The following ACSL1 variants were observed in gnomAD, a reference collection of about 807,000 sequenced individuals.
ACSL1 encodes the protein acyl-CoA synthetase long chain family member 1.
Under a neutral mutation model 98.4 loss-of-function variants are expected in ACSL1, and 41 were observed. The ratio of observed to expected loss-of-function variants is 0.42; its 90% CI spans 0.32 to 0.54. ACSL1 has a LOEUF of 0.54. Ranked by LOEUF, ACSL1 falls within the 20% of genes least tolerant of loss-of-function variation. The pLI, the probability that ACSL1 is intolerant of heterozygous loss-of-function variation, is 0.13. For missense variants in ACSL1, 734 were observed against 883.1 expected (o/e 0.83, Z 2.14); for synonymous variants, 316 against 322.7 (o/e 0.98, Z 0.22).
chr4:184,783,687 T>G (rs567991889), intron 4 of ACSL1, among the ~76,000 whole-genome samples: 12 of 152,356 alleles, frequency 7.9e-5, no homozygotes, highest in Admixed American at 5.2e-4. Flanking sequence ...TATACTTGAC[T>G]TCACAATGTA....
chr4:184,821,562 T>C (rs1773073582), intron 1 of ACSL1, among the ~76,000 whole-genome samples: 1 of 152,264 alleles, frequency 6.6e-6, no homozygotes, highest in Non-Finnish European at 1.5e-5. Flanking sequence ...CAAAAGTCCA[T>C]TAAACCTATT....
intron 2 of ACSL1, among the ~76,000 whole-genome samples, chr4:184,792,185 A>G (rs1768490088): frequency 6.6e-6 from 1 of 152,224 alleles, no homozygotes; most frequent in African/African-American, 2.4e-5. Flanking sequence ...CAAGATATTT[A>G]TTATTACCCT....
intron 2 of ACSL1, among the ~76,000 whole-genome samples, chr4:184,800,940 A>G (rs567489548): frequency 2.6e-5 from 4 of 151,894 alleles, no homozygotes; most frequent in Admixed American, 6.6e-5. Context: ...GCAGTGTCCA[A>G]CTCCTGGGTT....
rs374193110 is a variant in ACSL1, at chr4:184,757,631, A to C, written c.1956+4T>G. On this transcript the variant is annotated splice_donor_region_variant and intron_variant, in intron 20 of 20. Transcript: ENST00000281455. The surrounding 1 kb of genome is among the most constrained non-coding windows in gnomAD (Gnocchi z 4.5). Reference sequence around the variant, plus strand: ...GAATTCACCCACTCAGATGAAGGTCATACCTGTTCAAATGGTTTCAGACCA... The same window carrying C: ...GAATTCACCCACTCAGATGAAGGTCCTACCTGTTCAAATGGTTTCAGACCA... The C allele has an allele frequency of 1.1e-5, 17 of 1,612,594 alleles. No individual in the cohort carries two copies. Among genetic ancestry groups the C allele is most frequent in the Admixed American group, 1.7e-5 (1 of 59,666 alleles).
At chr4:184,760,750 G>T (rs780182085) in intron 17 of ACSL1, among the ~76,000 whole-genome samples, 10 of 152,176 alleles carry the variant, frequency 6.6e-5, no homozygotes, top group Non-Finnish European at 1.0e-4. Flanking sequence ...TGCTTATTCA[G>T]CGTCACCACT....
chr4:184,762,683 G>A (rs756031997), intron 16 of ACSL1, among the ~76,000 whole-genome samples, 160 bp from the exon 17 acceptor site: 7 of 152,220 alleles, frequency 4.6e-5, no homozygotes, highest in Middle Eastern at 3.2e-3. Context: ...CAGGGTCTGC[G>A]AGAGATCTCC....
At chr4:184,764,670 G>A (rs1233465659) in intron 15 of ACSL1, among the ~76,000 whole-genome samples, 183 bp downstream of exon 15, 2 of 152,136 alleles carry the variant, frequency 1.3e-5, no homozygotes, top group African/African-American at 4.8e-5. Context: ...TCAGTTGCAG[G>A]AGGTGTTCTC....
Position 184,825,366 on chromosome 4 carries a change from C to G in ACSL1, c.-33+550G>C, listed in dbSNP as rs1383355826. On this transcript the variant is annotated intron_variant, in intron 1 of 20. Transcript: ENST00000281455. The surrounding 1 kb of genome is among the most constrained non-coding windows in gnomAD (Gnocchi z 4.7). ...TCCTCTGGAGTCACCGAGAGAATGTCTGCCTCTGGCAGCGGCCTCTGAGCT... is the reference window on the plus strand; with the variant it reads ...TCCTCTGGAGTCACCGAGAGAATGTGTGCCTCTGGCAGCGGCCTCTGAGCT... 1.2e-5 allele frequency: 6 copies of G among 506,732 alleles called. No individual in the cohort carries two copies. Among genetic ancestry groups the G allele is most frequent in the Non-Finnish European group, 1.5e-5 (6 of 392,938 alleles). 31.4% of individuals were successfully genotyped at this position (506,732 alleles called of 1,614,324 possible). A position where few individuals can be genotyped will look rare whatever the true frequency, so the allele number is the denominator to read the frequency against.
chr4:184,814,379 A>G (rs1198538579), intron 1 of ACSL1, among the ~76,000 whole-genome samples: 1 of 151,884 alleles, frequency 6.6e-6, no homozygotes, highest in Non-Finnish European at 1.5e-5. Flanking sequence ...CTTCTCCAAG[A>G]CTATGTAAGA....
intron 4 of ACSL1, among the ~76,000 whole-genome samples, chr4:184,782,550 G>A (rs1352218268): frequency 6.6e-6 from 1 of 152,176 alleles, no homozygotes; most frequent in African/African-American, 2.4e-5. Context: ...ATTCCATGAT[G>A]CCTCAGGACC....
rs1402505128 is a variant in ACSL1 at position 184,765,994 on chromosome 4, G to T, written c.1264-8C>A. 1 of 1,613,324 alleles carries T rather than the reference G, an allele frequency of 6.2e-7. No homozygotes were observed. The highest frequency in any genetic ancestry group is 1.3e-5 in the African/African-American group (1 of 75,046). ...TCTTCCGCCCAGGCTCGACTTTCAG[G>T]GAGGGAGAGTGGGAGAAGGTGAGGG... is the stretch of plus-strand genomic sequence containing the variant. On this transcript the variant is annotated splice_region_variant and splice_polypyrimidine_tract_variant and intron_variant, in intron 13 of 20. Transcript: ENST00000281455.
intron 1 of ACSL1, among the ~76,000 whole-genome samples, chr4:184,811,301 A>G (rs892727619): frequency 1.3e-5 from 2 of 151,516 alleles, no homozygotes; most frequent in Non-Finnish European, 2.9e-5. Flanking sequence ...TTTAGTAGAG[A>G]CGGGGTTTCA....
intron 2 of ACSL1, among the ~76,000 whole-genome samples, chr4:184,795,282 T>C (rs925018758): frequency 9.2e-5 from 14 of 152,228 alleles, no homozygotes; most frequent in African/African-American, 3.4e-4. Context: ...TTGGCACCAG[T>C]TGGTTCCATC....
chr4:184,757,426 T>C lies in ACSL1; in HGVS notation c.1957-161A>G, dbSNP rs1762258087. On this transcript the variant is annotated intron_variant, in intron 20 of 20. Transcript: ENST00000281455. The surrounding 1 kb of genome is among the most constrained non-coding windows in gnomAD (Gnocchi z 4.5). ...CAACAAAGGACAGGCATCCTATTCT[T>C]AGGATAGGATTCGGGATCATATTCT... Among the ~76,000 whole-genome samples the C allele has an allele frequency of 1.3e-5, 2 of 152,180 alleles. No individual in the cohort carries two copies.
At chr4:184,770,329 C>T (rs893193123) in intron 11 of ACSL1, 70 bp downstream of exon 11, 1 of 1,590,352 alleles carries the variant, frequency 6.3e-7, no homozygotes. Context: ...AAGGGAAGTG[C>T]TTTCTGTAAA....
chr4:184,792,878 G>A lies in ACSL1; in HGVS notation c.196-4147C>T, dbSNP rs139906175. Among the ~76,000 whole-genome samples, 255 of 152,304 alleles carry A rather than the reference G, an allele frequency of 1.7e-3. 1 individual carries two copies. Among genetic ancestry groups the A allele is most frequent in the Middle Eastern group, 0.014 (4 of 294 alleles). ...ACAATTGGAGTCTGAAATGCTTGTA[G>A]GTTTTACAAGACAGAATCACTTCAA... is the stretch of plus-strand genomic sequence containing the variant. On this transcript the variant is annotated intron_variant, in intron 2 of 20. Transcript: ENST00000281455.
intron 2 of ACSL1, among the ~76,000 whole-genome samples, chr4:184,797,959 T>A (rs574599930): frequency 6.6e-6 from 1 of 152,368 alleles, no homozygotes; most frequent in Non-Finnish European, 1.5e-5. Context: ...AGGATTAAAA[T>A]GCTAAAGCAA....
At chr4:184,826,172 T>C (rs567326391), upstream of ACSL1, 223 of 148,614 alleles carry the variant, frequency 1.5e-3, 3 homozygotes, top group African/African-American at 5.3e-3. Context: ...GCCGCCCTCC[T>C]GTCTGGGCGC....
intron 1 of ACSL1, among the ~76,000 whole-genome samples, chr4:184,819,452 T>A (rs1035684813): frequency 1.3e-5 from 2 of 152,062 alleles, no homozygotes; most frequent in African/African-American, 2.4e-5. Flanking sequence ...CTAGATGTAC[T>A]CAACACAAAC....
Sources: gnomAD v4.1 joint callset for allele counts (sites outside exome capture counted in the v4.1 genomes callset) on GRCh38, gnomAD v4.1.1 for gene constraint, Gnocchi (gnomAD v3.1) non-coding constraint, MANE v1.5 for transcripts, NCBI Gene and HGNC (gene_info 2026-07-23, HGNC 2026-07-21) for gene names.